Variants in GULP1 observed in about 807,000 individuals in gnomAD.
GULP1 encodes the protein PTB domain-containing engulfment adapter protein 1.
GULP1 carries 19 observed loss-of-function variants against 40.9 expected under a neutral mutation model. The observed-to-expected ratio is 0.46, with a 90% CI of 0.32 to 0.68. GULP1 has a LOEUF of 0.68. Among genes scored for constraint, GULP1 ranks in the 30% least tolerant of loss-of-function variants. The probability of loss-of-function intolerance (pLI) is 0.03; values close to 1 mark genes in which losing one functional copy is unlikely to be tolerated. For missense variants in GULP1, 312 were observed against 362.2 expected, an observed-to-expected ratio of 0.86 and a Z score of 1.12; for synonymous variants, 119 against 117.6, an observed-to-expected ratio of 1.01 and a Z score of -0.08.
At chr2:188,552,622 C>T (rs2153380028) in intron 7 of GULP1, among the ~76,000 whole-genome samples, 1 of 151,460 alleles carries the variant, frequency 6.6e-6, no homozygotes, top group East Asian at 1.9e-4. Flanking sequence ...CTCAGAATTG[C>T]TTTAAGTTTG....
rs1402372877 is a variant in GULP1, at chr2:188,304,411, GTGCTATGTCCTAAGCATCATGTTAAA to G, written c.-172+12248_-172+12273del. Among the ~76,000 whole-genome samples the G allele has an allele frequency of 2.6e-5, 4 of 152,188 alleles. No homozygotes were observed. In the East Asian group the frequency reaches 5.8e-4, roughly 22 times the overall value. Reference sequence around the variant, plus strand: ...AAAGATACAAAGAATAGTATTTAGAGTGCTATGTCCTAAGCATCATGTTAAATGTTTTTTACAATTTACAAATGGTA... The same window carrying G: ...AAAGATACAAAGAATAGTATTTAGAGTGTTTTTTACAATTTACAAATGGTA... On this transcript the variant is annotated intron_variant, in intron 1 of 11. Coordinates refer to ENST00000409830, the MANE Select transcript of GULP1 (RefSeq NM_016315.4).
At chr2:188,484,511 G>T (rs1020389108) in intron 4 of GULP1, among the ~76,000 whole-genome samples, 3 of 152,118 alleles carry the variant, frequency 2.0e-5, no homozygotes, top group Non-Finnish European at 4.4e-5. Flanking sequence ...AAAAGCAACT[G>T]AACTTTGGAG....
intron 5 of GULP1, among the ~76,000 whole-genome samples, chr2:188,528,642 A>G (rs754568319): frequency 3.3e-5 from 5 of 152,022 alleles, no homozygotes; most frequent in Non-Finnish European, 7.4e-5. Context: ...GCTTCTTTTT[A>G]TTTATTGATG....
chr2:188,339,516 A>G (rs1410137105), intron 1 of GULP1, among the ~76,000 whole-genome samples: 1 of 152,196 alleles, frequency 6.6e-6, no homozygotes, highest in Admixed American at 6.5e-5. Flanking sequence ...TTTTAATTAT[A>G]CATTACTTAA....
intron 9 of GULP1, 110 bp from the exon 10 acceptor site, chr2:188,584,155 A>G (rs1342267499): frequency 2.8e-6 from 2 of 713,886 alleles, no homozygotes; most frequent in Non-Finnish European, 4.4e-6. Flanking sequence ...GCAAATTCTT[A>G]TGATGCAACT....
At chr2:188,588,414 G>A (rs1325846596) in intron 11 of GULP1, 1 of 161,528 alleles carries the variant, frequency 6.2e-6, no homozygotes, top group Non-Finnish European at 1.4e-5. Flanking sequence ...TATTTAAAAA[G>A]CAAACAACCA....
rs575810174 is a variant in GULP1 at position 188,581,601 on chromosome 2, T to C, written c.610-2664T>C. Among the ~76,000 whole-genome samples the C allele has an allele frequency of 3.6e-4, 55 of 152,318 alleles. 1 individual carries two copies. The highest frequency in any genetic ancestry group is 3.9e-4 in the Admixed American group (6 of 15,304). On this transcript the variant is annotated intron_variant, in intron 9 of 11. Transcript: ENST00000409830. ...CCCCTAAAAGTCATGCACATACTGA[T>C]GTTCAGACCTAGTACACTGCTTGCT...
At chr2:188,593,731 A>G (rs1704046695) in intron 11 of GULP1, 1 of 394,990 alleles carries the variant, frequency 2.5e-6, no homozygotes, top group Non-Finnish European at 4.6e-6. Flanking sequence ...CCTCACATAG[A>G]TTTAAAACAT....
chr2:188,477,364 C>T (rs1341501635), intron 2 of GULP1, among the ~76,000 whole-genome samples: 1 of 152,114 alleles, frequency 6.6e-6, no homozygotes, highest in East Asian at 1.9e-4. Context: ...AAGTATTGAT[C>T]TTTCTTCTCC....
intron 5 of GULP1, among the ~76,000 whole-genome samples, chr2:188,527,391 A>G (rs1030420274): frequency 6.6e-6 from 1 of 152,268 alleles, no homozygotes; most frequent in African/African-American, 2.4e-5. Flanking sequence ...ACGCATTCAC[A>G]TAGGGGGAGA....
At chr2:188,589,679 T>C in intron 11 of GULP1, 1 of 896,528 alleles carries the variant, frequency 1.1e-6, no homozygotes, top group Non-Finnish European at 1.6e-6. Context: ...TTTTTGCTTT[T>C]GCTGTTTCTA....
chr2:188,531,218 T>G (rs947955332), intron 6 of GULP1, among the ~76,000 whole-genome samples: 14 of 152,336 alleles, frequency 9.2e-5, no homozygotes, highest in Middle Eastern at 6.8e-3. Context: ...ACCTAGTGTT[T>G]CGCATGCACA....
At chr2:188,517,639 G>T (rs1480872393) in intron 4 of GULP1, among the ~76,000 whole-genome samples, 5 of 152,116 alleles carry the variant, frequency 3.3e-5, no homozygotes, top group African/African-American at 1.2e-4. Flanking sequence ...AGCAGGGCTT[G>T]TCATCTGCTG....
chr2:188,589,952 A>C (rs1419704969), intron 11 of GULP1: 2 of 330,200 alleles, frequency 6.1e-6, no homozygotes, highest in Non-Finnish European at 1.1e-5. Flanking sequence ...TGCATTGTTC[A>C]CTTCATTGTT....
chr2:188,304,565 T>G (rs1386667332), intron 1 of GULP1, among the ~76,000 whole-genome samples: 2 of 152,204 alleles, frequency 1.3e-5, no homozygotes, highest in Non-Finnish European at 2.9e-5. Flanking sequence ...TGAAAAAGTG[T>G]GCTGTTGAAT....
At chr2:188,364,615 A>G (rs2046506514) in intron 1 of GULP1, among the ~76,000 whole-genome samples, 1 of 151,874 alleles carries the variant, frequency 6.6e-6, no homozygotes, top group Admixed American at 6.6e-5. Context: ...GCGGTTTTTT[A>G]TCAAAGAGGG....
At chr2:188,357,981 C>A (rs938708927) in intron 1 of GULP1, among the ~76,000 whole-genome samples, 2 of 152,120 alleles carry the variant, frequency 1.3e-5, no homozygotes, top group Non-Finnish European at 2.9e-5. Context: ...GAGTTCAAGA[C>A]CAGCCAGGCC....
At chr2:188,524,626 G>C (rs982425382) in intron 5 of GULP1, among the ~76,000 whole-genome samples, 1 of 146,050 alleles carries the variant, frequency 6.8e-6, no homozygotes, top group Non-Finnish European at 1.5e-5. Flanking sequence ...CTTTTTTTGT[G>C]TGTCAAGGGT....
intron 4 of GULP1, among the ~76,000 whole-genome samples, chr2:188,484,939 T>C (rs1254821587): frequency 1.3e-5 from 2 of 152,150 alleles, no homozygotes; most frequent in African/African-American, 4.8e-5. Context: ...TAATTTAGCA[T>C]GAAAAGTTTA....
Sources: gnomAD v4.1 joint callset for allele counts (sites outside exome capture counted in the v4.1 genomes callset) on GRCh38, gnomAD v4.1.1 for gene constraint, MANE v1.5 for transcripts, NCBI Gene and HGNC (gene_info 2026-07-23, HGNC 2026-07-21) for gene names.